Variants in PLEKHA7 observed in about 807,000 individuals in gnomAD.
The protein encoded by PLEKHA7 is pleckstrin homology domain-containing family A member 7.
Under a neutral mutation model 170.0 loss-of-function variants are expected in PLEKHA7, and 104 were observed. The ratio of observed to expected loss-of-function variants is 0.61; its 90% CI spans 0.52 to 0.72. The LOEUF (loss-of-function observed/expected upper bound fraction) is 0.72, where lower values mean the gene tolerates loss of function less well. PLEKHA7 is among the 30% of genes least tolerant of loss of function. The pLI, the probability that PLEKHA7 is intolerant of heterozygous loss-of-function variation, is 0.00. For synonymous variants in PLEKHA7, 648 were observed against 660.8 expected, an observed-to-expected ratio of 0.98 and a Z score of 0.30; for missense variants, 1,615 against 1,671.7, an observed-to-expected ratio of 0.97 and a Z score of 0.59.
At chr11:16,832,959 T>C (rs1261539407) in intron 9 of PLEKHA7, among the ~76,000 whole-genome samples, 1 of 152,100 alleles carries the variant, frequency 6.6e-6, no homozygotes, top group African/African-American at 2.4e-5. Context: ...GCATAATCAA[T>C]AGACTTGTAC....
intron 13 of PLEKHA7, among the ~76,000 whole-genome samples, chr11:16,810,202 C>G (rs922123360): frequency 1.2e-4 from 18 of 152,204 alleles, no homozygotes; most frequent in Admixed American, 3.9e-4. Flanking sequence ...TAGATACTTA[C>G]AAACAAAAGC....
chr11:16,896,915 C>CTTGT (rs1331621278), intron 3 of PLEKHA7, among the ~76,000 whole-genome samples: 1 of 152,140 alleles, frequency 6.6e-6, no homozygotes, highest in South Asian at 2.1e-4. Context: ...GAGGTAAGAG[C>CTTGT]TTGTTTGTGC....
intron 9 of PLEKHA7, among the ~76,000 whole-genome samples, chr11:16,841,326 A>T (rs1428174452): frequency 6.6e-6 from 1 of 152,082 alleles, no homozygotes; most frequent in Non-Finnish European, 1.5e-5. Context: ...GAGAAGAAAA[A>T]CTGAGAAGCC....
chr11:16,957,697 C>CTTTTTTTTTTCTTTTTTTTTTTT (rs58942054), intron 3 of PLEKHA7, among the ~76,000 whole-genome samples: 1 of 87,296 alleles, frequency 1.1e-5, no homozygotes, highest in African/African-American at 5.1e-5. Flanking sequence ...TAATTTTTTT[C>CTTTTTTTTTTCTTTTTTTTTTTT]TTTTTTTTTT....
chr11:16,888,139 G>A (rs942331310), intron 3 of PLEKHA7, among the ~76,000 whole-genome samples: 4 of 152,002 alleles, frequency 2.6e-5, no homozygotes, highest in African/African-American at 9.7e-5. Flanking sequence ...TCTGAGAAGT[G>A]AGGAGCCCCT....
intron 4 of PLEKHA7, among the ~76,000 whole-genome samples, chr11:16,863,062 C>T (rs1394263860): frequency 6.6e-6 from 1 of 152,118 alleles, no homozygotes; most frequent in Non-Finnish European, 1.5e-5. Flanking sequence ...TGCTCTAAAT[C>T]TCACGCCAGC....
At chr11:16,821,549 C>T (rs1416580599) in intron 10 of PLEKHA7, among the ~76,000 whole-genome samples, 1 of 152,172 alleles carries the variant, frequency 6.6e-6, no homozygotes, top group Admixed American at 6.5e-5. Flanking sequence ...GTTCAAATAA[C>T]CTTCCTCCCA....
intron 14 of PLEKHA7, 79 bp from the exon 15 acceptor site, chr11:16,803,131 T>C (rs1165809523): frequency 8.3e-6 from 13 of 1,563,386 alleles, no homozygotes; most frequent in Non-Finnish European, 1.1e-5. Context: ...AGACAGCCTT[T>C]GGCTACAGAA....
At chr11:16,786,612 T>C in intron 23 of PLEKHA7, 9 of 985,390 alleles carry the variant, frequency 9.1e-6, no homozygotes, top group Non-Finnish European at 1.1e-5. Flanking sequence ...CATACACCCT[T>C]GGGGCACAGG....
At chr11:16,798,676 T>G (rs1030318288) in intron 17 of PLEKHA7, among the ~76,000 whole-genome samples, 5 of 152,156 alleles carry the variant, frequency 3.3e-5, no homozygotes, top group Admixed American at 1.3e-4. Context: ...AGCAAATAGG[T>G]CCAGTACTTT....
chr11:16,960,469 C>A (rs575518372), intron 3 of PLEKHA7, among the ~76,000 whole-genome samples: 1 of 152,164 alleles, frequency 6.6e-6, no homozygotes, highest in East Asian at 1.9e-4. Flanking sequence ...ACACACCCCA[C>A]CCACCTCCAC....
chr11:16,823,462 C>T (rs912078477), intron 10 of PLEKHA7, among the ~76,000 whole-genome samples: 1 of 152,168 alleles, frequency 6.6e-6, no homozygotes, highest in African/African-American at 2.4e-5. Context: ...CAACTACTGC[C>T]AGGGTATTAG....
intron 10 of PLEKHA7, among the ~76,000 whole-genome samples, chr11:16,824,242 T>C (rs1385036595): frequency 1.3e-5 from 2 of 152,114 alleles, no homozygotes; most frequent in Non-Finnish European, 2.9e-5. Context: ...CATTTAAAAA[T>C]AACTAAAAGG....
intron 3 of PLEKHA7, among the ~76,000 whole-genome samples, chr11:16,948,626 G>A (rs946465124): frequency 3.6e-5 from 5 of 140,338 alleles, no homozygotes; most frequent in African/African-American, 1.0e-4. Flanking sequence ...ACACACATGT[G>A]CACACACACA....
intron 24 of PLEKHA7, 94 bp downstream of exon 24, chr11:16,786,135 G>A (rs1051784878): frequency 3.5e-6 from 5 of 1,428,324 alleles, no homozygotes; most frequent in Non-Finnish European, 4.7e-6. Context: ...CCATGTCCCT[G>A]TTCAGGATGA....
At chr11:16,931,579 C>CAAACACAACACAAAACA (rs1175526635) in intron 3 of PLEKHA7, among the ~76,000 whole-genome samples, 4 of 151,696 alleles carry the variant, frequency 2.6e-5, no homozygotes, top group Non-Finnish European at 5.9e-5. Context: ...ACAAAACAAA[C>CAAACACAACACAAAACA]AAACACAACA....
chr11:16,886,769 T>C (rs186386098), intron 3 of PLEKHA7, among the ~76,000 whole-genome samples: 40 of 150,996 alleles, frequency 2.6e-4, no homozygotes, highest in Non-Finnish European at 4.3e-4. Flanking sequence ...ATGATATTGA[T>C]TTACTTGCCC....
At position 16,841,610 on chromosome 11, in the gene PLEKHA7, A is replaced by C. The variant is rs1851966466; in HGVS notation, c.809T>G (p.Met270Arg). Residue 270 changes from methionine to arginine, a missense_variant, in exon 9 of 27, where the codon ATG becomes AGG. By Grantham distance (91) the Met-to-Arg change is moderately conservative. Transcript: ENST00000531066. ...GTTCATGGCCCTGACCCAAGCGTTC[A>C]TGTCCTCCTGGGTGTCGGCACTGAA... Reference protein sequence around the residue: ...YYFSADTQEDMNAWVRAMNQA... With the variant: ...YYFSADTQEDRNAWVRAMNQA... 1 of 1,614,080 alleles carries C rather than the reference A, an allele frequency of 6.2e-7. No individual in the cohort carries two copies. Among genetic ancestry groups the C allele is most frequent in the African/African-American group, 1.3e-5 (1 of 75,034 alleles).
At chr11:16,779,467 A>AC (rs1848861052) in intron 26 of PLEKHA7, among the ~76,000 whole-genome samples, 1 of 152,212 alleles carries the variant, frequency 6.6e-6, no homozygotes, top group East Asian at 1.9e-4. Context: ...CCATGGGGGC[A>AC]CCAAAACCCA....
Sources: gnomAD v4.1 joint callset for allele counts (sites outside exome capture counted in the v4.1 genomes callset) on GRCh38, gnomAD v4.1.1 for gene constraint, MANE v1.5 for transcripts, NCBI Gene and HGNC (gene_info 2026-07-23, HGNC 2026-07-21) for gene names.